JARID2: variants seen among roughly 807,000 people sequenced by gnomAD.
JARID2 encodes the protein protein Jumonji.
A neutral mutation model predicts 125.6 loss-of-function variants in JARID2; 21 were observed. That is an observed-to-expected ratio of 0.17 (90% CI 0.12 to 0.24). JARID2 has a LOEUF of 0.24. Ranked by LOEUF, JARID2 falls within the 10% of genes least tolerant of loss-of-function variation. JARID2 has a pLI of 1.00. For missense variants in JARID2, 1,303 were observed against 1,639.6 expected (o/e 0.79, Z 3.55); for synonymous variants, 736 against 661.6 (o/e 1.11, Z -1.73).
intron 12 of JARID2, 91 bp downstream of exon 12, chr6:15,508,545 G>C (rs1771117478): frequency 1.2e-5 from 9 of 747,342 alleles, no homozygotes; most frequent in Non-Finnish European, 1.9e-5. Flanking sequence ...TTGTCCAGGT[G>C]GTTCCACGTG....
intron 1 of JARID2, among the ~76,000 whole-genome samples, chr6:15,282,305 C>G (rs1257118923): frequency 6.6e-6 from 1 of 152,128 alleles, no homozygotes; most frequent in Non-Finnish European, 1.5e-5. Flanking sequence ...ATCTACACAC[C>G]CACTAACAGC....
intron 1 of JARID2, among the ~76,000 whole-genome samples, chr6:15,259,705 G>C (rs1325615295): frequency 6.6e-6 from 1 of 152,210 alleles, no homozygotes; most frequent in African/African-American, 2.4e-5. Context: ...TTTGGTTAAC[G>C]TTCAGTTTTA....
intron 1 of JARID2, among the ~76,000 whole-genome samples, chr6:15,306,928 T>TA (rs1761849126): frequency 6.8e-6 from 1 of 148,114 alleles, no homozygotes; most frequent in African/African-American, 2.5e-5. Flanking sequence ...TTAATGTATA[T>TA]TATATATATA....
intron 2 of JARID2, among the ~76,000 whole-genome samples, chr6:15,384,382 T>G (rs1389488106): frequency 6.6e-6 from 1 of 151,642 alleles, no homozygotes; most frequent in Non-Finnish European, 1.5e-5. Flanking sequence ...TTTTTTTTTT[T>G]TTTTTTGGAT....
At chr6:15,273,874 C>T (rs553391816) in intron 1 of JARID2, among the ~76,000 whole-genome samples, 6 of 151,866 alleles carry the variant, frequency 4.0e-5, no homozygotes, top group African/African-American at 1.4e-4. Context: ...CACTGAAGAA[C>T]ATACTGCTCC....
At chr6:15,313,363 T>TG (rs1005212425) in intron 1 of JARID2, among the ~76,000 whole-genome samples, 8 of 152,178 alleles carry the variant, frequency 5.3e-5, no homozygotes, top group African/African-American at 1.9e-4. Flanking sequence ...GTTTGGAGGT[T>TG]GGGGTAGGGT....
chr6:15,348,133 C>A (rs1311592377), intron 1 of JARID2, among the ~76,000 whole-genome samples: 1 of 151,208 alleles, frequency 6.6e-6, no homozygotes, highest in Non-Finnish European at 1.5e-5. Flanking sequence ...GCTCTGTCAC[C>A]CAAGCTGTAG....
intron 1 of JARID2, among the ~76,000 whole-genome samples, chr6:15,364,342 C>G (rs937690004): frequency 2.0e-5 from 3 of 152,204 alleles, no homozygotes; most frequent in African/African-American, 7.2e-5. Context: ...TGGAGACTGG[C>G]TGGTGGATAG....
intron 16 of JARID2, among the ~76,000 whole-genome samples, chr6:15,513,664 C>T (rs908354722): frequency 2.0e-5 from 3 of 152,256 alleles, no homozygotes; most frequent in Non-Finnish European, 4.4e-5. Context: ...TCCCTCGGTC[C>T]TGCAGTGCGT....
rs141146576 is a variant in JARID2 at position 15,262,467 on chromosome 6, A to G, written c.45+15883A>G. Among the ~76,000 whole-genome samples, 250 of 150,570 alleles carry G rather than the reference A, an allele frequency of 1.7e-3. 1 individual carries two copies. The highest frequency in any genetic ancestry group is 5.8e-3 in the African/African-American group (237 of 40,986). ...GGCTGAATAACATTCCATTGTATGGATGTATCATGCTTTGTGTATCCAGTC... is the reference window on the plus strand; with the variant it reads ...GGCTGAATAACATTCCATTGTATGGGTGTATCATGCTTTGTGTATCCAGTC... On this transcript the variant is annotated intron_variant, in intron 1 of 17. Transcript: ENST00000341776.
chr6:15,438,961 G>A (rs1035435933), intron 3 of JARID2, among the ~76,000 whole-genome samples: 1 of 151,892 alleles, frequency 6.6e-6, no homozygotes, highest in Non-Finnish European at 1.5e-5. Flanking sequence ...CAACCCGGAA[G>A]GGGGAGGTTT....
chr6:15,463,549 G>C (rs1392452097), intron 4 of JARID2, among the ~76,000 whole-genome samples: 3 of 150,852 alleles, frequency 2.0e-5, no homozygotes, highest in Non-Finnish European at 4.4e-5. Context: ...TCCTGCTTCA[G>C]CCTCCCTAGT....
chr6:15,414,415 A>G (rs965031308), intron 3 of JARID2, among the ~76,000 whole-genome samples: 1 of 152,170 alleles, frequency 6.6e-6, no homozygotes, highest in African/African-American at 2.4e-5. Context: ...GACACTAGGG[A>G]TCTTTTTAGC....
chr6:15,431,478 T>A (rs1255200619), intron 3 of JARID2, among the ~76,000 whole-genome samples: 1 of 152,204 alleles, frequency 6.6e-6, no homozygotes, highest in Non-Finnish European at 1.5e-5. Flanking sequence ...GGAATAATTC[T>A]GACAAACACC....
intron 1 of JARID2, among the ~76,000 whole-genome samples, chr6:15,283,036 T>C (rs542592377): frequency 2.6e-5 from 4 of 152,238 alleles, no homozygotes; most frequent in South Asian, 2.1e-4. Flanking sequence ...TGGAGTGTAG[T>C]GGCGCGATCT....
chr6:15,452,190 C>A lies in JARID2; in HGVS notation c.493+15C>A. ...CTGCCTTCGAGGTAAGACTTTGCAA[C>A]CATCGGCGGAGGTCTACGTGGAATC... On this transcript the variant is annotated intron_variant, in intron 4 of 17. Coordinates refer to ENST00000341776, the MANE Select transcript of JARID2 (RefSeq NM_004973.4). 2 of 1,613,252 alleles carry A rather than the reference C, an allele frequency of 1.2e-6. No individual in the cohort carries two copies. Among genetic ancestry groups the A allele is most frequent in the Non-Finnish European group, 8.5e-7 (1 of 1,179,692 alleles).
chr6:15,251,678 C>T (rs1759459133), intron 1 of JARID2, among the ~76,000 whole-genome samples: 1 of 152,138 alleles, frequency 6.6e-6, no homozygotes, highest in Non-Finnish European at 1.5e-5. Flanking sequence ...AGTATTATGT[C>T]AACCTTGAAA....
At chr6:15,507,467 AC>A in intron 11 of JARID2, 51 bp downstream of exon 11, 1 of 1,500,964 alleles carries the variant, frequency 6.7e-7, no homozygotes, top group Non-Finnish European at 9.3e-7. Context: ...CATGAGTCCT[AC>A]TTGCTGAGAA....
At chr6:15,276,396 G>T (rs1205490611) in intron 1 of JARID2, among the ~76,000 whole-genome samples, 1 of 152,242 alleles carries the variant, frequency 6.6e-6, no homozygotes, top group Admixed American at 6.5e-5. Flanking sequence ...TCCTGCCAGT[G>T]CATTTAGGGA....
Sources: allele counts gnomAD v4.1 joint callset (sites outside exome capture counted in the v4.1 genomes callset), GRCh38; gene constraint gnomAD v4.1.1; transcripts MANE v1.5; gene names NCBI Gene and HGNC (gene_info 2026-07-23, HGNC 2026-07-21).